Variants in KDM2B observed in about 807,000 individuals in gnomAD.
KDM2B encodes lysine-specific demethylase 2B.
Under a neutral mutation model 150.0 loss-of-function variants are expected in KDM2B, and 26 were observed. The observed-to-expected ratio is 0.17, with a 90% CI of 0.13 to 0.24. The LOEUF is 0.24. Ranked by LOEUF, KDM2B falls within the 10% of genes least tolerant of loss-of-function variation. The pLI, the probability that KDM2B is intolerant of heterozygous loss-of-function variation, is 1.00. For missense variants in KDM2B, 1,265 were observed against 1,816.9 expected, an observed-to-expected ratio of 0.70 and a Z score of 5.52; for synonymous variants, 734 against 729.5, an observed-to-expected ratio of 1.01 and a Z score of -0.10.
chr12:121,477,332 A>G (rs1023590226), intron 12 of KDM2B, among the ~76,000 whole-genome samples: 5 of 152,122 alleles, frequency 3.3e-5, no homozygotes, highest in African/African-American at 9.7e-5. Context: ...CATTACAGGT[A>G]TGAGCTACCA....
At chr12:121,447,891 G>C (rs868918911) in intron 13 of KDM2B, among the ~76,000 whole-genome samples, 1 of 151,856 alleles carries the variant, frequency 6.6e-6, no homozygotes, top group African/African-American at 2.4e-5. Flanking sequence ...TCCTGACCTC[G>C]AGTGATCCTC....
chr12:121,568,598 T>C (rs1555315415), intron 4 of KDM2B, among the ~76,000 whole-genome samples: 1 of 151,732 alleles, frequency 6.6e-6, no homozygotes, highest in African/African-American at 2.4e-5. Flanking sequence ...AAAGAAGACA[T>C]CCTCCACGAT....
intron 11 of KDM2B, among the ~76,000 whole-genome samples, chr12:121,497,786 C>T (rs1167990874): frequency 6.6e-6 from 1 of 151,264 alleles, no homozygotes; most frequent in East Asian, 1.9e-4. Flanking sequence ...GATCCTAGAA[C>T]AGAAAAAAAA....
At chr12:121,494,768 T>C (rs1883731612) in intron 11 of KDM2B, 103 bp from the exon 12 acceptor site, 4 of 825,428 alleles carry the variant, frequency 4.8e-6, no homozygotes, top group Non-Finnish European at 7.3e-6. Flanking sequence ...CTCCACAAAG[T>C]CAGCGCCTGG....
the KDM2B span, chr12:121,424,054 C>G: frequency 2.0e-5 from 3 of 153,186 alleles, no homozygotes; most frequent in Non-Finnish European, 4.4e-5. Flanking sequence ...ATTTTAAATG[C>G]TAACATTTGA....
chr12:121,435,677 GCTGA>G (rs1873863430), intron 22 of KDM2B, among the ~76,000 whole-genome samples: 1 of 152,118 alleles, frequency 6.6e-6, no homozygotes, highest in African/African-American at 2.4e-5. Context: ...AAATTTACCT[GCTGA>G]CTGTTGAGAA....
chr12:121,445,645 G>T (rs782634179), intron 13 of KDM2B, among the ~76,000 whole-genome samples: 7 of 152,204 alleles, frequency 4.6e-5, no homozygotes, highest in Non-Finnish European at 2.9e-5. Context: ...GAACAAGACA[G>T]CTCAAAATCT....
chr12:121,418,255 G>C, the KDM2B span: 1 of 204,978 alleles, frequency 4.9e-6, no homozygotes, highest in East Asian at 1.2e-4. Context: ...GTTAGTGCAC[G>C]TGTTTCAGTG....
intron 12 of KDM2B, among the ~76,000 whole-genome samples, chr12:121,477,823 C>A (rs534962965): frequency 6.6e-6 from 1 of 152,246 alleles, no homozygotes; most frequent in East Asian, 1.9e-4. Context: ...GGTGATCCAC[C>A]TGCCTTGGCC....
chr12:121,493,059 CTTTTTT>C (rs61628112), intron 12 of KDM2B, among the ~76,000 whole-genome samples: 12 of 54,080 alleles, frequency 2.2e-4, no homozygotes, highest in South Asian at 1.9e-3. Flanking sequence ...TCATGCCTGG[CTTTTTT>C]TTTTTTTTTT....
chr12:121,427,205 A>G (rs1555284367), downstream of KDM2B, among the ~76,000 whole-genome samples: 1 of 151,558 alleles, frequency 6.6e-6, no homozygotes, highest in Non-Finnish European at 1.5e-5. Context: ...AGTTGCTTGT[A>G]GCATTTAGCC....
In KDM2B at chr12:121,521,214, G is replaced by A. The variant is rs544867206; in HGVS notation, c.932-114C>T. The A allele has an allele frequency of 3.6e-5, 25 of 699,428 alleles. No individual in the cohort carries two copies. In the East Asian group the frequency reaches 7.0e-4, roughly 20 times the overall value. The allele number at this position is 699,428 out of a possible 1,614,324, so 43.3% of individuals were successfully genotyped here. A position where few individuals can be genotyped will look rare whatever the true frequency, so the allele number is the denominator to read the frequency against. Reference sequence around the variant, plus strand: ...GCAGGAGGGTGCAGGGAGTGGAGAAGAGCAGCCAGGGCCTGGGGCAGCGGC... The same window carrying A: ...GCAGGAGGGTGCAGGGAGTGGAGAAAAGCAGCCAGGGCCTGGGGCAGCGGC... On this transcript the variant is annotated intron_variant, in intron 8 of 22. Coordinates refer to ENST00000377071, the MANE Select transcript of KDM2B (RefSeq NM_032590.5). The surrounding 1 kb of genome is among the most constrained non-coding windows in gnomAD (Gnocchi z 4.9).
downstream of KDM2B, among the ~76,000 whole-genome samples, chr12:121,426,495 A>G (rs1215095209): frequency 7.2e-6 from 1 of 139,292 alleles, no homozygotes; most frequent in Non-Finnish European, 1.5e-5. Context: ...CCACCCAGGC[A>G]GAGTACAGTG....
intron 2 of KDM2B, among the ~76,000 whole-genome samples, chr12:121,576,779 G>A (rs1891520845): frequency 6.6e-6 from 1 of 152,158 alleles, no homozygotes; most frequent in South Asian, 2.1e-4. Context: ...GGTAACTAAA[G>A]TAATCCGCAA....
intron 13 of KDM2B, among the ~76,000 whole-genome samples, chr12:121,446,134 G>A (rs574659319): frequency 5.3e-5 from 8 of 152,288 alleles, no homozygotes; most frequent in South Asian, 4.1e-4. Flanking sequence ...GGTGGCTCAC[G>A]CCTGTAATCC....
chr12:121,410,250 CT>C, the KDM2B span, among the ~76,000 whole-genome samples: 1 of 149,514 alleles, frequency 6.7e-6, no homozygotes, highest in Non-Finnish European at 1.5e-5. Flanking sequence ...TTCAAATATG[CT>C]GCATGGGGCT....
At chr12:121,553,704 G>C (rs1008715547) in intron 4 of KDM2B, among the ~76,000 whole-genome samples, 1 of 152,102 alleles carries the variant, frequency 6.6e-6, no homozygotes, top group Non-Finnish European at 1.5e-5. Context: ...AGAAGGTGAG[G>C]AGCTGGGAAG....
At chr12:121,449,276 C>T (rs1876821920) in intron 13 of KDM2B, among the ~76,000 whole-genome samples, 1 of 151,994 alleles carries the variant, frequency 6.6e-6, no homozygotes, top group African/African-American at 2.4e-5. Context: ...GGGGAGGCTA[C>T]GGAGGCAGCC....
intron 11 of KDM2B, among the ~76,000 whole-genome samples, chr12:121,505,405 G>A (rs1032336265): frequency 9.9e-5 from 15 of 151,654 alleles, no homozygotes; most frequent in Admixed American, 6.6e-5. Context: ...TACATCACAC[G>A]AGGCTGTCCA....
Sources: allele counts gnomAD v4.1 joint callset (sites outside exome capture counted in the v4.1 genomes callset), GRCh38; gene constraint gnomAD v4.1.1; non-coding constraint Gnocchi (gnomAD v3.1); transcripts MANE v1.5; gene names NCBI Gene and HGNC (gene_info 2026-07-23, HGNC 2026-07-21).